PTPRD: variants seen among roughly 807,000 people sequenced by gnomAD.
The protein encoded by PTPRD is receptor-type tyrosine-protein phosphatase delta.
Under a neutral mutation model 214.5 loss-of-function variants are expected in PTPRD, and 34 were observed. The observed-to-expected ratio is 0.16, with a 90% CI of 0.12 to 0.21. The LOEUF (loss-of-function observed/expected upper bound fraction) is 0.21. Among genes scored for constraint, PTPRD ranks in the 10% least tolerant of loss-of-function variants. The pLI is 1.00. For synonymous variants in PTPRD, 1,128 were observed against 845.7 expected (o/e 1.33, Z -5.79); for missense variants, 2,545 against 2,398.7 (o/e 1.06, Z -1.27).
At chr9:10,449,112 G>A (rs557339161) in intron 2 of PTPRD, among the ~76,000 whole-genome samples, 109 of 152,076 alleles carry the variant, frequency 7.2e-4, no homozygotes, top group South Asian at 2.5e-3. Flanking sequence ...CTGTACTGCC[G>A]CCATCTCGGC....
At chr9:10,412,134 G>C (rs1478737775) in intron 2 of PTPRD, among the ~76,000 whole-genome samples, 2 of 151,684 alleles carry the variant, frequency 1.3e-5, no homozygotes, top group African/African-American at 2.4e-5. Context: ...GAAGCCAAAT[G>C]AGAAGAATTT....
rs142182782 is a variant in PTPRD at position 10,489,078 on chromosome 9, G to A, written c.-600+123320C>T. Among the ~76,000 whole-genome samples the A allele has an allele frequency of 1.8e-3, 273 of 152,192 alleles. 2 individuals carry two copies. Among genetic ancestry groups the A allele is most frequent in the African/African-American group, 6.3e-3 (262 of 41,548 alleles). On this transcript the variant is annotated intron_variant, in intron 2 of 45. Transcript: ENST00000381196. ...GGGAACGTGCTGAGCCTCACCTGAA[G>A]CCAGCAAGTCTAAGAGTCTCACCCA...
At chr9:10,245,642 A>G (rs1163976340) in intron 3 of PTPRD, among the ~76,000 whole-genome samples, 1 of 152,222 alleles carries the variant, frequency 6.6e-6, no homozygotes, top group East Asian at 1.9e-4. Context: ...AGATGTATGA[A>G]TAAATTAATG....
At chr9:9,475,291 C>T (rs755552198) in intron 8 of PTPRD, among the ~76,000 whole-genome samples, 9 of 152,120 alleles carry the variant, frequency 5.9e-5, no homozygotes, top group Non-Finnish European at 1.3e-4. Context: ...AGCAACCATC[C>T]AAAACCAATA....
chr9:9,780,351 A>C (rs986025341), intron 5 of PTPRD, among the ~76,000 whole-genome samples: 39 of 152,326 alleles, frequency 2.6e-4, no homozygotes, highest in African/African-American at 8.7e-4. Flanking sequence ...ACAAATCTGC[A>C]TATGTACCCC....
intron 7 of PTPRD, among the ~76,000 whole-genome samples, chr9:9,584,356 C>T (rs1001350499): frequency 1.2e-3 from 92 of 77,886 alleles, no homozygotes; most frequent in Non-Finnish European, 1.5e-3. Flanking sequence ...TTTATTTCAT[C>T]ACCATTATTA....
chr9:10,378,215 T>C (rs1354463348), intron 2 of PTPRD, among the ~76,000 whole-genome samples: 2 of 152,034 alleles, frequency 1.3e-5, no homozygotes, highest in East Asian at 1.9e-4. Flanking sequence ...TGGTTATTTA[T>C]CTCTTGTCTG....
chr9:9,809,552 C>G (rs561748610), intron 5 of PTPRD, among the ~76,000 whole-genome samples: 1 of 152,302 alleles, frequency 6.6e-6, no homozygotes, highest in Middle Eastern at 3.4e-3. Flanking sequence ...GCGTGAGCCA[C>G]TGCTCCCAGC....
chr9:9,460,263 C>G (rs1420591224), intron 8 of PTPRD, among the ~76,000 whole-genome samples: 1 of 152,040 alleles, frequency 6.6e-6, no homozygotes, highest in Non-Finnish European at 1.5e-5. Context: ...AGGAAAAACT[C>G]TTCTGGACAT....
intron 11 of PTPRD, among the ~76,000 whole-genome samples, chr9:8,908,539 G>C (rs919303498): frequency 2.0e-5 from 3 of 151,952 alleles, no homozygotes; most frequent in Non-Finnish European, 4.4e-5. Context: ...AAAATACTTT[G>C]AACTGAATGA....
At chr9:9,341,568 T>A (rs573512373) in intron 9 of PTPRD, among the ~76,000 whole-genome samples, 17 of 152,240 alleles carry the variant, frequency 1.1e-4, no homozygotes, top group Admixed American at 5.9e-4. Context: ...ACTTACTGCT[T>A]GGCTGACCCA....
chr9:9,088,357 G>A (rs1261995995), intron 10 of PTPRD, among the ~76,000 whole-genome samples: 1 of 151,570 alleles, frequency 6.6e-6, no homozygotes, highest in Non-Finnish European at 1.5e-5. Context: ...GGAGGCCGAG[G>A]CAGCTGGATC....
At chr9:8,579,261 CA>C (rs1202295717) in intron 14 of PTPRD, among the ~76,000 whole-genome samples, 2 of 152,184 alleles carry the variant, frequency 1.3e-5, no homozygotes, top group African/African-American at 2.4e-5. Flanking sequence ...CTTCATAATA[CA>C]AAAGCTTCTT....
intron 2 of PTPRD, among the ~76,000 whole-genome samples, chr9:10,486,987 G>A (rs2099136976): frequency 6.6e-6 from 1 of 152,140 alleles, no homozygotes; most frequent in Non-Finnish European, 1.5e-5. Flanking sequence ...GGGTGCTCCA[G>A]TGTTGGATGC....
At chr9:8,375,106 G>T (rs1191083262) in intron 39 of PTPRD, among the ~76,000 whole-genome samples, 3 of 151,730 alleles carry the variant, frequency 2.0e-5, no homozygotes, top group Non-Finnish European at 4.4e-5. Context: ...AATTTCTCAG[G>T]TTATAAAGAA....
At chr9:8,759,126 G>A (rs2094231704) in intron 11 of PTPRD, among the ~76,000 whole-genome samples, 1 of 152,046 alleles carries the variant, frequency 6.6e-6, no homozygotes, top group Non-Finnish European at 1.5e-5. Flanking sequence ...AATCTCCTGA[G>A]GTCAAGCGAT....
At chr9:10,323,243 C>T (rs1471576759) in intron 3 of PTPRD, among the ~76,000 whole-genome samples, 1 of 42,302 alleles carries the variant, frequency 2.4e-5, no homozygotes, top group Admixed American at 2.4e-4. Context: ...CCCTCCCCTC[C>T]CCTCCCCTTC....
intron 2 of PTPRD, among the ~76,000 whole-genome samples, chr9:10,399,735 G>A (rs929271227): frequency 2.8e-4 from 42 of 152,012 alleles, no homozygotes; most frequent in Admixed American, 5.9e-4. Context: ...CATATGATAT[G>A]TGGGAGAAAG....
At position 9,730,529 on chromosome 9, in the gene PTPRD, C is replaced by G. The variant is rs552539234; in HGVS notation, c.-287+4004G>C. On this transcript the variant is annotated intron_variant, in intron 7 of 45. Transcript: ENST00000381196. ...TTAAAGTAACTATCTCTGAATTTTTCTCAATAACTATATAAGTACAAAAGA... is the reference window on the plus strand; with the variant it reads ...TTAAAGTAACTATCTCTGAATTTTTGTCAATAACTATATAAGTACAAAAGA... Among the ~76,000 whole-genome samples the G allele has an allele frequency of 3.3e-5, 5 of 152,186 alleles. No individual in the cohort carries two copies. In the South Asian group the frequency reaches 1.0e-3, roughly 32 times the overall value.
Sources: gnomAD v4.1 joint callset for allele counts (sites outside exome capture counted in the v4.1 genomes callset) on GRCh38, gnomAD v4.1.1 for gene constraint, MANE v1.5 for transcripts, NCBI Gene and HGNC (gene_info 2026-07-23, HGNC 2026-07-21) for gene names.